The following CEP112 variants were observed in gnomAD, a reference collection of about 807,000 sequenced individuals.
CEP112 encodes centrosomal protein of 112 kDa.
CEP112 carries 127 observed loss-of-function variants against 153.0 expected under a neutral mutation model. The observed-to-expected ratio is 0.83, with a 90% CI of 0.72 to 0.96. The LOEUF (loss-of-function observed/expected upper bound fraction) is 0.96, where lower values mean the gene tolerates loss of function less well. Among genes scored for constraint, CEP112 ranks in the 40% least tolerant of loss-of-function variants. The probability of loss-of-function intolerance (pLI) is 0.00; values close to 1 mark genes in which losing one functional copy is unlikely to be tolerated. For missense variants in CEP112, 1,089 were observed against 1,101.2 expected (o/e 0.99, Z 0.16); for synonymous variants, 358 against 374.4 (o/e 0.96, Z 0.51).
At chr17:65,655,444 C>T in intron 24 of CEP112, 1 of 1,127,320 alleles carries the variant, frequency 8.9e-7, no homozygotes, top group South Asian at 1.2e-5. Context: ...TGACTGCTGT[C>T]TTTTGAATGG....
At chr17:65,918,040 C>T (rs1001514109) in intron 19 of CEP112, among the ~76,000 whole-genome samples, 11 of 151,794 alleles carry the variant, frequency 7.2e-5, no homozygotes, top group African/African-American at 2.4e-4. Flanking sequence ...ATTAGCCAGG[C>T]GTGGTGGCGT....
chr17:66,014,183 T>C (rs1034112281), intron 16 of CEP112, among the ~76,000 whole-genome samples: 5 of 152,042 alleles, frequency 3.3e-5, no homozygotes, highest in Non-Finnish European at 7.4e-5. Context: ...TAAAGCAGCA[T>C]GGGGGAGGCT....
intron 17 of CEP112, among the ~76,000 whole-genome samples, chr17:65,968,150 T>C (rs532910059): frequency 2.0e-5 from 3 of 152,210 alleles, no homozygotes; most frequent in East Asian, 1.9e-4. Context: ...CTAAATATTC[T>C]GGAATAGGTG....
chr17:66,048,708 C>T (rs145695433), intron 12 of CEP112, among the ~76,000 whole-genome samples: 7,737 of 152,154 alleles, frequency 0.051, 287 homozygotes, highest in Non-Finnish European at 0.073. Flanking sequence ...CTCCTGGGTT[C>T]AGACAATTCT....
intron 20 of CEP112, among the ~76,000 whole-genome samples, chr17:65,860,615 G>A (rs1384768708): frequency 6.6e-6 from 1 of 152,200 alleles, no homozygotes; most frequent in Non-Finnish European, 1.5e-5. Flanking sequence ...GACAGAGCTG[G>A]CATTACAGTT....
chr17:65,829,606 G>A (rs2056996599), intron 21 of CEP112, among the ~76,000 whole-genome samples: 1 of 152,186 alleles, frequency 6.6e-6, no homozygotes, highest in Non-Finnish European at 1.5e-5. Context: ...AAATGTTGAT[G>A]TGGTGTGGAA....
At position 65,932,352 on chromosome 17, in the gene CEP112, C is replaced by CA. The variant is rs946964674; in HGVS notation, c.1873-4664dup. On this transcript the variant is annotated intron_variant, in intron 18 of 26. Coordinates refer to ENST00000535342, the MANE Select transcript of CEP112 (RefSeq NM_001199165.4). ...CATGAAGGTAAGTACACAAAGATTA[C>CA]AAAAAAAATCAAGGAAATATACGCC... Among the ~76,000 whole-genome samples, 14 of 151,600 alleles carry CA rather than the reference C, an allele frequency of 9.2e-5. No individual in the cohort carries two copies. The East Asian group carries it at 2.1e-3, about 23-fold the overall frequency.
At chr17:66,005,072 T>G (rs1241844051) in intron 17 of CEP112, among the ~76,000 whole-genome samples, 1 of 152,210 alleles carries the variant, frequency 6.6e-6, no homozygotes, top group East Asian at 1.9e-4. Flanking sequence ...CAATATTTAT[T>G]GAGTTCAGAC....
At chr17:65,846,967 T>C (rs190414248) in intron 21 of CEP112, among the ~76,000 whole-genome samples, 144 of 152,360 alleles carry the variant, frequency 9.5e-4, no homozygotes, top group Non-Finnish European at 1.6e-3. Context: ...TTGAAAATGC[T>C]AAACTCCTTT....
At chr17:65,811,298 G>A (rs1263271986) in intron 21 of CEP112, among the ~76,000 whole-genome samples, 1 of 152,152 alleles carries the variant, frequency 6.6e-6, no homozygotes, top group Non-Finnish European at 1.5e-5. Flanking sequence ...TGAAATCTAA[G>A]CTGAGAAGTG....
chr17:65,649,099 C>A lies in CEP112; in HGVS notation c.2698-8034G>T, dbSNP rs529943123. Among the ~76,000 whole-genome samples the A allele has an allele frequency of 4.2e-3, 638 of 151,200 alleles. 11 individuals carry two copies. The highest frequency in any genetic ancestry group is 0.029 in the East Asian group (149 of 5,086). ...ACACACACACACACACACACACACACACACACACACACACACACACTGTAT... is the reference window on the plus strand; with the variant it reads ...ACACACACACACACACACACACACAAACACACACACACACACACACTGTAT... On this transcript the variant is annotated intron_variant, in intron 24 of 26. Transcript: ENST00000535342.
chr17:65,675,941 TAAGAA>T, intron 24 of CEP112, among the ~76,000 whole-genome samples: 1 of 152,142 alleles, frequency 6.6e-6, no homozygotes, highest in Admixed American at 6.5e-5. Flanking sequence ...GAACTCTTAC[TAAGAA>T]TAGAAAGAAA....
chr17:65,689,058 G>T, intron 24 of CEP112, 71 bp downstream of exon 24: 1 of 1,132,152 alleles, frequency 8.8e-7, no homozygotes, highest in Non-Finnish European at 1.3e-6. Context: ...GTGAGCCACT[G>T]CACCTGGCTG....
chr17:66,096,116 C>A, intron 8 of CEP112, 135 bp downstream of exon 8: 1 of 593,186 alleles, frequency 1.7e-6, no homozygotes. Context: ...TACCATGCAT[C>A]ATGTTTTATA....
chr17:65,676,168 C>T (rs1472033628), intron 24 of CEP112, among the ~76,000 whole-genome samples: 1 of 151,982 alleles, frequency 6.6e-6, no homozygotes, highest in African/African-American at 2.4e-5. Flanking sequence ...GAAACCCCAT[C>T]TCTACTAAAA....
At chr17:65,824,881 G>A (rs548159142) in intron 21 of CEP112, among the ~76,000 whole-genome samples, 18 of 152,298 alleles carry the variant, frequency 1.2e-4, no homozygotes, top group Admixed American at 1.1e-3. Flanking sequence ...CACTGCCGAT[G>A]GGAATGTAAA....
At chr17:66,161,091 A>T (rs572665585) in intron 4 of CEP112, among the ~76,000 whole-genome samples, 1 of 152,366 alleles carries the variant, frequency 6.6e-6, no homozygotes, top group East Asian at 1.9e-4. Context: ...AAAGCTCATC[A>T]TCACTGGTTA....
chr17:65,987,307 T>C lies in CEP112; in HGVS notation c.1736+18383A>G, dbSNP rs552007303. 1.3e-5 allele frequency among the ~76,000 whole-genome samples: 2 copies of C among 151,970 alleles called. 1 individual carries two copies. Among genetic ancestry groups the C allele is most frequent in the Non-Finnish European group, 2.9e-5 (2 of 67,932 alleles). On this transcript the variant is annotated intron_variant, in intron 17 of 26. Transcript: ENST00000535342. The stretch of plus-strand genomic sequence containing the variant: ...GCACAATAAAAATTCATAATGGAAG[T>C]GGCAAAGAGCAAAAATGCAAATCAG...
At chr17:65,813,322 G>C (rs954865966) in intron 21 of CEP112, among the ~76,000 whole-genome samples, 4 of 152,160 alleles carry the variant, frequency 2.6e-5, no homozygotes, top group African/African-American at 9.6e-5. Flanking sequence ...AAGAAACAGG[G>C]AAGGGGACTT....
Sources: gnomAD v4.1 joint callset for allele counts (sites outside exome capture counted in the v4.1 genomes callset) on GRCh38, gnomAD v4.1.1 for gene constraint, MANE v1.5 for transcripts, NCBI Gene and HGNC (gene_info 2026-07-23, HGNC 2026-07-21) for gene names.